The following ZBTB16 variants were observed in gnomAD, a reference collection of about 807,000 sequenced individuals.
ZBTB16 encodes zinc finger and BTB domain-containing protein 16.
In ZBTB16, 8 loss-of-function variants were observed where a neutral mutation model predicts 56.8. The ratio of observed to expected loss-of-function variants is 0.14; its 90% CI spans 0.08 to 0.25. The LOEUF is 0.25. Ranked by LOEUF, ZBTB16 falls within the 10% of genes least tolerant of loss-of-function variation. ZBTB16 has a pLI of 1.00. For missense variants in ZBTB16, 625 were observed against 903.0 expected, an observed-to-expected ratio of 0.69 and a Z score of 3.95; for synonymous variants, 363 against 368.5, an observed-to-expected ratio of 0.98 and a Z score of 0.17.
chr11:114,092,734 T>TC (rs1940238428), intron 2 of ZBTB16, among the ~76,000 whole-genome samples: 1 of 152,180 alleles, frequency 6.6e-6, no homozygotes. Flanking sequence ...AAGGCTTAGG[T>TC]CCCATAACTC....
intron 4 of ZBTB16, among the ~76,000 whole-genome samples, chr11:114,215,440 C>G (rs1944076411): frequency 6.6e-6 from 1 of 152,144 alleles, no homozygotes; most frequent in South Asian, 2.1e-4. Flanking sequence ...CTCATTGGCT[C>G]TTTCCAAAAA....
At chr11:114,087,913 C>A (rs1372309210) in intron 2 of ZBTB16, among the ~76,000 whole-genome samples, 1 of 152,186 alleles carries the variant, frequency 6.6e-6, no homozygotes, top group East Asian at 1.9e-4. Flanking sequence ...TAGCATATGG[C>A]AACTCAGCAG....
chr11:114,202,108 A>T lies in ZBTB16; in HGVS notation c.1453+15070A>T, dbSNP rs550045421. 2.0e-5 allele frequency among the ~76,000 whole-genome samples: 3 copies of T among 152,366 alleles called. 1 individual carries two copies. Among genetic ancestry groups the T allele is most frequent in the African/African-American group, 7.2e-5 (3 of 41,592 alleles). ...CAGCACAGGGGAATGGGCCTGTGCC[A>T]GCACTCAGAGGTCAGGGCTGCTGTC... On this transcript the variant is annotated intron_variant, in intron 4 of 6. Coordinates refer to ENST00000335953, the MANE Select transcript of ZBTB16 (RefSeq NM_006006.6).
intron 4 of ZBTB16, among the ~76,000 whole-genome samples, chr11:114,205,503 C>T (rs73566030): frequency 0.17 from 26,544 of 152,084 alleles, 3,213 homozygotes; most frequent in African/African-American, 0.35. Context: ...GTTCCCTGCC[C>T]CCAGTAGGAG....
At position 114,148,431 on chromosome 11, in the gene ZBTB16, C is replaced by CTG. The variant is rs1942185226; in HGVS notation, c.1269-7905_1269-7904insGT. Among the ~76,000 whole-genome samples the CTG allele has an allele frequency of 6.0e-4, 42 of 69,866 alleles. 3 individuals are homozygous for CTG. Among genetic ancestry groups the CTG allele is most frequent in the African/African-American group, 2.0e-3 (31 of 15,788 alleles). The allele number at this position is 69,866 out of a possible 152,430, so 45.8% of individuals were successfully genotyped here. On this transcript the variant is annotated intron_variant, in intron 2 of 6. Coordinates refer to ENST00000335953, the MANE Select transcript of ZBTB16 (RefSeq NM_006006.6). ...TCCCTCCCTCCCTCCCTCCCTCTCT[C>CTG]TCTCTTTCTCTCTCTCTGTCTGTCT...
chr11:114,181,712 C>T (rs1020441481), intron 3 of ZBTB16, among the ~76,000 whole-genome samples: 4 of 152,180 alleles, frequency 2.6e-5, no homozygotes. Flanking sequence ...GCCTGCACCT[C>T]TAGATCCTGC....
intron 4 of ZBTB16, among the ~76,000 whole-genome samples, chr11:114,204,150 C>T (rs1246921640): frequency 6.6e-6 from 1 of 150,996 alleles, no homozygotes; most frequent in African/African-American, 2.4e-5. Flanking sequence ...CTGTGTCCCA[C>T]TATCTTTTTT....
intron 4 of ZBTB16, among the ~76,000 whole-genome samples, chr11:114,241,006 C>A (rs1024569047): frequency 6.6e-6 from 1 of 152,174 alleles, no homozygotes; most frequent in Non-Finnish European, 1.5e-5. Flanking sequence ...TCCCACCGGC[C>A]ATGTTTCCTC....
intron 2 of ZBTB16, among the ~76,000 whole-genome samples, chr11:114,147,740 G>C (rs1942146453): frequency 6.6e-6 from 1 of 152,160 alleles, no homozygotes; most frequent in African/African-American, 2.4e-5. Context: ...CTTCCCCTCG[G>C]ATCTTAACTG....
chr11:114,200,164 A>G (rs1943704951), intron 4 of ZBTB16, among the ~76,000 whole-genome samples: 1 of 150,092 alleles, frequency 6.7e-6, no homozygotes, highest in Non-Finnish European at 1.5e-5. Context: ...AAAAAATCAT[A>G]CATGTGAAGC....
chr11:114,136,735 G>A (rs1030197422), intron 2 of ZBTB16, among the ~76,000 whole-genome samples: 14 of 151,888 alleles, frequency 9.2e-5, no homozygotes, highest in African/African-American at 3.4e-4. Flanking sequence ...TTTACTCTTC[G>A]TCACAGAACT....
At chr11:114,231,203 C>T (rs892536092) in intron 4 of ZBTB16, among the ~76,000 whole-genome samples, 10 of 152,272 alleles carry the variant, frequency 6.6e-5, no homozygotes, top group Non-Finnish European at 1.3e-4. Context: ...GTGGAAACTC[C>T]GTGCCTCCCG....
At chr11:114,080,376 G>A (rs149473193) in intron 2 of ZBTB16, among the ~76,000 whole-genome samples, 67 of 152,076 alleles carry the variant, frequency 4.4e-4, no homozygotes, top group African/African-American at 1.5e-3. Flanking sequence ...TGTTGGACTC[G>A]GCTCTTTTGT....
intron 2 of ZBTB16, among the ~76,000 whole-genome samples, chr11:114,124,061 T>G (rs1941420420): frequency 7.1e-6 from 1 of 140,732 alleles, no homozygotes; most frequent in African/African-American, 2.6e-5. Flanking sequence ...GCTTTTAAGG[T>G]CACTCTGCTT....
chr11:114,215,575 T>C (rs1438730526), intron 4 of ZBTB16, among the ~76,000 whole-genome samples: 1 of 152,192 alleles, frequency 6.6e-6, no homozygotes, highest in Non-Finnish European at 1.5e-5. Flanking sequence ...CTTTTGTCTT[T>C]ACCCTACAAC....
At chr11:114,175,943 C>T (rs1472598853) in intron 3 of ZBTB16, among the ~76,000 whole-genome samples, 1 of 151,590 alleles carries the variant, frequency 6.6e-6, no homozygotes, top group Non-Finnish European at 1.5e-5. Flanking sequence ...TTTCCATTGC[C>T]CAGCCAGTAT....
At chr11:114,202,868 T>A (rs2135108457) in intron 4 of ZBTB16, among the ~76,000 whole-genome samples, 1 of 152,308 alleles carries the variant, frequency 6.6e-6, no homozygotes, top group East Asian at 1.9e-4. Context: ...CTCAGATTTT[T>A]TTTAACTGTC....
chr11:114,217,153 C>T (rs1032269389), intron 4 of ZBTB16, among the ~76,000 whole-genome samples: 11 of 152,140 alleles, frequency 7.2e-5, no homozygotes, highest in African/African-American at 2.4e-4. Context: ...TGAGATAGAA[C>T]GTGGTGGATA....
At chr11:114,078,674 A>G (rs1216607588) in intron 2 of ZBTB16, among the ~76,000 whole-genome samples, 1 of 152,108 alleles carries the variant, frequency 6.6e-6, no homozygotes, top group East Asian at 1.9e-4. Flanking sequence ...TGCTAAAGAT[A>G]GTGAAATACA....
Sources: allele counts gnomAD v4.1 joint callset (sites outside exome capture counted in the v4.1 genomes callset), GRCh38; gene constraint gnomAD v4.1.1; transcripts MANE v1.5; gene names NCBI Gene and HGNC (gene_info 2026-07-23, HGNC 2026-07-21).